The following TMCC1 variants were observed in gnomAD, a reference collection of about 807,000 sequenced individuals.
The protein encoded by TMCC1 is transmembrane and coiled-coil domain family 1.
Under a neutral mutation model 52.4 loss-of-function variants are expected in TMCC1, and 15 were observed. The ratio of observed to expected loss-of-function variants is 0.29; its 90% CI spans 0.19 to 0.44. TMCC1 has a LOEUF of 0.44. TMCC1 is among the 20% of genes least tolerant of loss of function. TMCC1 has a pLI of 1.00. For missense variants in TMCC1, 503 were observed against 806.0 expected (o/e 0.62, Z 4.55); for synonymous variants, 279 against 301.9 (o/e 0.92, Z 0.79).
intron 2 of TMCC1, among the ~76,000 whole-genome samples, chr3:129,862,883 T>C (rs1199310390): frequency 1.3e-5 from 2 of 152,192 alleles, no homozygotes; most frequent in Non-Finnish European, 2.9e-5. Flanking sequence ...CTCTGCACCT[T>C]GGATTAGGAT....
intron 4 of TMCC1, among the ~76,000 whole-genome samples, chr3:129,677,781 G>A (rs971572346): frequency 6.6e-6 from 1 of 152,100 alleles, no homozygotes; most frequent in African/African-American, 2.4e-5. Flanking sequence ...TCCCACGTTA[G>A]GACTAATTAC....
intron 1 of TMCC1, among the ~76,000 whole-genome samples, chr3:129,892,924 A>G (rs912384585): frequency 2.6e-5 from 4 of 152,212 alleles, no homozygotes; most frequent in Admixed American, 2.0e-4. Flanking sequence ...GACCAAGCCC[A>G]GCCAGCTCCT....
At chr3:129,734,671 A>G (rs1238194102) in intron 4 of TMCC1, among the ~76,000 whole-genome samples, 1 of 152,106 alleles carries the variant, frequency 6.6e-6, no homozygotes, top group African/African-American at 2.4e-5. Context: ...TGACAGAGGG[A>G]GATTCTGTCT....
chr3:129,760,452 C>CTGTGTGTGTGTG (rs1491184427), intron 4 of TMCC1, among the ~76,000 whole-genome samples: 3 of 68,348 alleles, frequency 4.4e-5, no homozygotes, highest in Non-Finnish European at 1.0e-4. Flanking sequence ...GACAGTCTCG[C>CTGTGTGTGTGTG]TCTGTGTGTG....
chr3:129,850,808 A>G (rs1395712875), intron 2 of TMCC1, among the ~76,000 whole-genome samples: 2 of 152,226 alleles, frequency 1.3e-5, no homozygotes, highest in Admixed American at 6.5e-5. Context: ...AGACTAACTA[A>G]AAGTATCCCT....
intron 1 of TMCC1, among the ~76,000 whole-genome samples, chr3:129,891,188 C>T (rs2061949980): frequency 6.6e-6 from 1 of 152,186 alleles, no homozygotes; most frequent in Admixed American, 6.5e-5. Flanking sequence ...TAACCCTCCA[C>T]CCACCTTTCA....
intron 4 of TMCC1, among the ~76,000 whole-genome samples, chr3:129,798,828 G>C (rs1354045263): frequency 6.6e-6 from 1 of 152,144 alleles, no homozygotes; most frequent in Non-Finnish European, 1.5e-5. Flanking sequence ...TACATTTAAA[G>C]CAAGGAGTGA....
chr3:129,745,311 A>T (rs2051836475), intron 4 of TMCC1, among the ~76,000 whole-genome samples: 1 of 152,228 alleles, frequency 6.6e-6, no homozygotes, highest in Non-Finnish European at 1.5e-5. Flanking sequence ...GTCATATCCT[A>T]CACCAACTGT....
At chr3:129,756,126 GA>G (rs2052990198) in intron 4 of TMCC1, among the ~76,000 whole-genome samples, 1 of 146,652 alleles carries the variant, frequency 6.8e-6, no homozygotes, top group Non-Finnish European at 1.5e-5. Context: ...GAAAAAAAAA[GA>G]AAGAAAAAAG....
intron 1 of TMCC1, among the ~76,000 whole-genome samples, chr3:129,888,608 G>A (rs140708819): frequency 1.8e-3 from 276 of 152,234 alleles, no homozygotes; most frequent in African/African-American, 6.1e-3. Context: ...AAGGATACAG[G>A]AGCCAACTTA....
chr3:129,713,832 C>A (rs147149982), intron 4 of TMCC1, among the ~76,000 whole-genome samples: 179 of 152,192 alleles, frequency 1.2e-3, no homozygotes, highest in African/African-American at 3.7e-3. Context: ...CCATTTCATT[C>A]TCACATACTA....
At chr3:129,813,770 C>A (rs1436200510) in intron 4 of TMCC1, among the ~76,000 whole-genome samples, 1 of 151,574 alleles carries the variant, frequency 6.6e-6, no homozygotes, top group Non-Finnish European at 1.5e-5. Flanking sequence ...TTTAACAAAC[C>A]TACCCATGCA....
intron 4 of TMCC1, among the ~76,000 whole-genome samples, chr3:129,683,694 AT>A (rs997957683): frequency 6.6e-6 from 1 of 152,158 alleles, no homozygotes; most frequent in African/African-American, 2.4e-5. Flanking sequence ...AATAGTGAAC[AT>A]TGTGCCCAAT....
chr3:129,758,976 T>C (rs978194120), intron 4 of TMCC1, among the ~76,000 whole-genome samples: 2 of 152,220 alleles, frequency 1.3e-5, no homozygotes, highest in Admixed American at 6.5e-5. Flanking sequence ...AGTATGTATG[T>C]AGCATGTGTC....
intron 4 of TMCC1, among the ~76,000 whole-genome samples, chr3:129,710,823 C>T (rs1288381358): frequency 6.6e-6 from 1 of 152,152 alleles, no homozygotes; most frequent in African/African-American, 2.4e-5. Flanking sequence ...AAGTCTTTCT[C>T]CCACCAAAAT....
At chr3:129,831,075 C>T (rs1434320778) in intron 3 of TMCC1, among the ~76,000 whole-genome samples, 2 of 152,072 alleles carry the variant, frequency 1.3e-5, no homozygotes, top group Non-Finnish European at 2.9e-5. Context: ...GCTAGGATTA[C>T]AGGCACGTGC....
rs781225933 is a variant in TMCC1 at position 129,828,122 on chromosome 3, T to C, written c.257A>G (p.Gln86Arg). 6.2e-7 allele frequency: 1 copy of C among 1,614,196 alleles called. No homozygotes were observed. Among genetic ancestry groups the C allele is most frequent in the Non-Finnish European group, 8.5e-7 (1 of 1,180,018 alleles). ...ACCATCAATCTCAGCACATGCGTTC[T>C]GGCTTTCCAGATCCATTTCAGGTTC... Reference protein sequence around the residue: ...DPEPEMDLESQNACAEIDGVP... With the variant: ...DPEPEMDLESRNACAEIDGVP... Residue 86 changes from glutamine (Q) to arginine (R), a missense_variant, in exon 4 of 7, where the codon CAG becomes CGG. Gln to Arg is a conservative substitution (Grantham distance 43). Around this residue, in one of 7 missense-constraint regions of TMCC1, gnomAD observed 217 missense variants for 297.9 expected, o/e 0.73. Coordinates refer to ENST00000393238, the MANE Select transcript of TMCC1 (RefSeq NM_001017395.5). The surrounding 1 kb of genome is among the most constrained non-coding windows in gnomAD (Gnocchi z 4.1).
intron 1 of TMCC1, among the ~76,000 whole-genome samples, chr3:129,884,830 G>A (rs549168835): frequency 1.3e-5 from 2 of 152,030 alleles, no homozygotes; most frequent in African/African-American, 2.4e-5. Flanking sequence ...AATGGAACTC[G>A]AAAGTCATTT....
chr3:129,730,438 T>C (rs140079232), intron 4 of TMCC1, among the ~76,000 whole-genome samples: 268 of 152,326 alleles, frequency 1.8e-3, no homozygotes, highest in African/African-American at 6.3e-3. Context: ...ATTGCCTTTG[T>C]ATTTTTGTGA....
Sources: allele counts gnomAD v4.1 joint callset (sites outside exome capture counted in the v4.1 genomes callset), GRCh38; gene constraint gnomAD v4.1.1; regional missense constraint gnomAD v4.1.1; non-coding constraint Gnocchi (gnomAD v3.1); transcripts MANE v1.5; gene names NCBI Gene and HGNC (gene_info 2026-07-23, HGNC 2026-07-21).